Variants in DIAPH2 observed in about 807,000 individuals in gnomAD.
The protein encoded by DIAPH2 is protein diaphanous homolog 2.
A neutral mutation model predicts 92.7 loss-of-function variants in DIAPH2; 35 were observed. That is an observed-to-expected ratio of 0.38 (90% confidence interval 0.29 to 0.50). The LOEUF (loss-of-function observed/expected upper bound fraction) is 0.50, where lower values mean the gene tolerates loss of function less well. Among genes scored for constraint, DIAPH2 ranks in the 20% least tolerant of loss-of-function variants. The pLI, the probability that DIAPH2 is intolerant of heterozygous loss-of-function variation, is 0.94. For missense variants in DIAPH2, 701 were observed against 819.5 expected, an observed-to-expected ratio of 0.86 and a Z score of 1.77; for synonymous variants, 301 against 280.4, an observed-to-expected ratio of 1.07 and a Z score of -0.73.
chrX:97,488,146 A>G (rs996004546), intron 26 of DIAPH2, among the ~76,000 whole-genome samples: 2 of 111,550 alleles, frequency 1.8e-5, no homozygotes, highest in Admixed American at 1.9e-4. Flanking sequence ...GGCCTGCACC[A>G]CCATGCCTAG....
chrX:97,592,274 C>T lies in DIAPH2; in HGVS notation c.3242-6979C>T, dbSNP rs144167645. Among the ~76,000 whole-genome samples, 1,059 of 111,337 alleles carry T rather than the reference C, an allele frequency of 9.5e-3. 10 individuals are homozygous for T. Among genetic ancestry groups the T allele is most frequent in the African/African-American group, 0.033 (1,010 of 30,721 alleles). ...TTGATAATGTACCTTTACATTAGTA[C>T]GAGACTTGATAGTTTGCAAAATATG... On this transcript the variant is annotated intron_variant, in intron 26 of 26. Transcript: ENST00000324765.
rs193191896 is a variant in DIAPH2, at chrX:96,745,037, G to T, written c.342+6275G>T. On this transcript the variant is annotated intron_variant, in intron 3 of 26. Transcript: ENST00000324765. ...TTTTTTTTTTTTGAGATGGAGTTTT[G>T]CTCTTGTTGCCCAGGCTGGAGTGCA... Among the ~76,000 whole-genome samples, 483 of 94,735 alleles carry T rather than the reference G, an allele frequency of 5.1e-3. 4 individuals carry two copies. The highest frequency in any genetic ancestry group is 0.018 in the African/African-American group (463 of 25,332). The allele number at this position is 94,735 out of a possible 115,157, so 82.3% of individuals were successfully genotyped here.
chrX:97,558,085 A>G (rs1336692554), intron 26 of DIAPH2, among the ~76,000 whole-genome samples: 1 of 112,268 alleles, frequency 8.9e-6, no homozygotes, highest in African/African-American at 3.2e-5. Flanking sequence ...ATTACTTAAC[A>G]TCTACGAACG....
intron 23 of DIAPH2, among the ~76,000 whole-genome samples, chrX:97,289,090 A>C (rs2068569466): frequency 9.0e-6 from 1 of 111,715 alleles, no homozygotes; most frequent in Non-Finnish European, 1.9e-5. Flanking sequence ...CTATCAACCA[A>C]ATACGGGATT....
chrX:96,930,064 ATACTT>A (rs1038209397), intron 9 of DIAPH2, among the ~76,000 whole-genome samples: 6 of 110,880 alleles, frequency 5.4e-5, no homozygotes, highest in African/African-American at 1.6e-4. Context: ...ATTTAATCAA[ATACTT>A]TACTTGAAAA....
At chrX:97,587,195 G>GCTC (rs1320621274) in intron 26 of DIAPH2, among the ~76,000 whole-genome samples, 4 of 110,389 alleles carry the variant, frequency 3.6e-5, no homozygotes, top group Non-Finnish European at 7.6e-5. Context: ...TGACAGCAAG[G>GCTC]CTCCTCCTCT....
rs774652184 is a variant in DIAPH2 at position 97,603,447 on chromosome X, A to C, written c.*4130A>C. 3.4e-4 allele frequency: 38 copies of C among 110,265 alleles called. No individual in the cohort carries two copies. The highest frequency in any genetic ancestry group is 1.2e-3 in the African/African-American group (36 of 30,278). The allele number at this position is 110,265 out of a possible 1,213,427, so 9.1% of individuals were successfully genotyped here. ...TAATTTTTTGCATTTTTTTGTAGAG[A>C]CTTGATCTTGCTATGTTGTCCAGGC... On this transcript the variant is annotated 3_prime_UTR_variant, in exon 27 of 27. Transcript: ENST00000324765.
Position 97,311,180 on chromosome X carries a change from A to G in DIAPH2, c.2845-36936A>G, listed in dbSNP as rs149661944. ...AATAATGTGTTAAGAACAGACTGAT[A>G]AGCAAGGCAGATGGGAAGCAGGGAG... On this transcript the variant is annotated intron_variant, in intron 23 of 26. Transcript: ENST00000324765. 3.1e-3 allele frequency among the ~76,000 whole-genome samples: 347 copies of G among 111,592 alleles called. 1 individual carries two copies. The highest frequency in any genetic ancestry group is 0.01 in the African/African-American group (320 of 30,794).
At chrX:97,313,121 T>C (rs1301960535) in intron 23 of DIAPH2, among the ~76,000 whole-genome samples, 1 of 109,879 alleles carries the variant, frequency 9.1e-6, no homozygotes, top group Non-Finnish European at 1.9e-5. Context: ...GGAGGCAGAG[T>C]TTGCAGTGAT....
At chrX:97,217,800 G>A (rs942805456) in intron 22 of DIAPH2, among the ~76,000 whole-genome samples, 1 of 110,071 alleles carries the variant, frequency 9.1e-6, no homozygotes, top group East Asian at 2.9e-4. Context: ...ACAAAAATTA[G>A]CTAGGCATGG....
At chrX:97,105,576 G>A (rs1172780167) in intron 20 of DIAPH2, among the ~76,000 whole-genome samples, 1 of 111,567 alleles carries the variant, frequency 9.0e-6, no homozygotes, top group Non-Finnish European at 1.9e-5. Flanking sequence ...ACCCTCAGCA[G>A]GAGCTTTTAG....
chrX:96,786,915 ATAACTT>A (rs1490456180), intron 4 of DIAPH2, among the ~76,000 whole-genome samples: 1 of 112,220 alleles, frequency 8.9e-6, no homozygotes, highest in Non-Finnish European at 1.9e-5. Context: ...CTGTAATAAA[ATAACTT>A]TATATTATGT....
intron 17 of DIAPH2, among the ~76,000 whole-genome samples, chrX:97,048,336 G>A (rs1297478717): frequency 9.0e-6 from 1 of 110,688 alleles, no homozygotes; most frequent in Non-Finnish European, 1.9e-5. Context: ...AACAATTTGA[G>A]AAATATAAAT....
chrX:97,114,138 TAAC>T (rs1342801686), intron 20 of DIAPH2, among the ~76,000 whole-genome samples: 1 of 112,087 alleles, frequency 8.9e-6, no homozygotes, highest in Non-Finnish European at 1.9e-5. Context: ...TCTAATTACT[TAAC>T]AGCAGCATCT....
intron 24 of DIAPH2, among the ~76,000 whole-genome samples, chrX:97,352,742 T>C (rs1231780942): frequency 5.7e-5 from 6 of 105,434 alleles, no homozygotes; most frequent in Non-Finnish European, 9.8e-5. Flanking sequence ...TGGTGGCAGG[T>C]GCCTGTAGTC....
intron 17 of DIAPH2, among the ~76,000 whole-genome samples, chrX:96,971,640 A>G (rs1410179959): frequency 9.0e-6 from 1 of 111,636 alleles, no homozygotes; most frequent in Admixed American, 9.5e-5. Flanking sequence ...CCTCTCATGT[A>G]TGTATTGCTG....
At chrX:96,949,738 T>C (rs2065761948) in intron 15 of DIAPH2, among the ~76,000 whole-genome samples, 1 of 102,967 alleles carries the variant, frequency 9.7e-6, no homozygotes, top group African/African-American at 3.6e-5. Context: ...TGGGCTCCTG[T>C]AGTCCCAGCT....
At chrX:97,004,988 G>GT (rs1231396696) in intron 17 of DIAPH2, among the ~76,000 whole-genome samples, 2 of 111,555 alleles carry the variant, frequency 1.8e-5, no homozygotes, top group African/African-American at 6.5e-5. Context: ...TCTGTCTCTA[G>GT]TTTTTTGTGG....
chrX:97,277,248 G>A (rs779524460), intron 23 of DIAPH2, among the ~76,000 whole-genome samples: 35 of 111,453 alleles, frequency 3.1e-4, no homozygotes, highest in African/African-American at 1.1e-3. Context: ...TGAGGCAGGA[G>A]AATTACTTGA....
Sources: gnomAD v4.1 joint callset for allele counts (sites outside exome capture counted in the v4.1 genomes callset) on GRCh38, gnomAD v4.1.1 for gene constraint, MANE v1.5 for transcripts, NCBI Gene and HGNC (gene_info 2026-07-23, HGNC 2026-07-21) for gene names.